FBXO31: variants seen among roughly 807,000 people sequenced by gnomAD.
The protein encoded by FBXO31 is F-box only protein 31.
Under a neutral mutation model 54.4 loss-of-function variants are expected in FBXO31, and 24 were observed. That is an observed-to-expected ratio of 0.44 (90% CI 0.32 to 0.62). The LOEUF (loss-of-function observed/expected upper bound fraction) is 0.62. Among genes scored for constraint, FBXO31 ranks in the 20% least tolerant of loss-of-function variants. The probability of loss-of-function intolerance (pLI) is 0.05; values close to 1 mark genes in which losing one functional copy is unlikely to be tolerated. For missense variants in FBXO31, 665 were observed against 787.1 expected (o/e 0.84, Z 1.86); for synonymous variants, 388 against 335.6 (o/e 1.16, Z -1.71).
chr16:87,357,327 CTTTTT>C (rs34678078), intron 2 of FBXO31, among the ~76,000 whole-genome samples: 1 of 123,404 alleles, frequency 8.1e-6, no homozygotes, highest in South Asian at 2.7e-4. Context: ...GAATTCGGTT[CTTTTT>C]TTTTTTTTTT....
rs530566704 is a variant in FBXO31 at position 87,346,519 on chromosome 16, T to C, written c.489+655A>G. Among the ~76,000 whole-genome samples the C allele has an allele frequency of 2.5e-4, 38 of 152,318 alleles. No individual in the cohort carries two copies. In the South Asian group the frequency reaches 7.5e-3, roughly 30 times the overall value. ...ACCCAGGACTAGACAGGCACTGCCA[T>C]GGCAGACCCAACGAACAGGAAAGAA... is the stretch of plus-strand genomic sequence containing the variant. On this transcript the variant is annotated intron_variant, in intron 3 of 8. Transcript: ENST00000311635. This position sits in a 1 kb window ranked among gnomAD's most constrained non-coding sequence, Gnocchi z 4.2.
At chr16:87,381,777 C>A (rs1907089212) in intron 1 of FBXO31, among the ~76,000 whole-genome samples, 1 of 152,208 alleles carries the variant, frequency 6.6e-6, no homozygotes, top group African/African-American at 2.4e-5. Flanking sequence ...GTAATCCCAA[C>A]ACTTTGGGAG....
At chr16:87,348,239 C>T (rs924495005) in intron 2 of FBXO31, among the ~76,000 whole-genome samples, 1 of 152,196 alleles carries the variant, frequency 6.6e-6, no homozygotes, top group Non-Finnish European at 1.5e-5. Context: ...TACCTGCCCG[C>T]TCTCCATCAG....
chr16:87,378,878 C>T (rs1906946613), intron 1 of FBXO31, among the ~76,000 whole-genome samples: 1 of 150,716 alleles, frequency 6.6e-6, no homozygotes, highest in South Asian at 2.1e-4. Flanking sequence ...AGGAGAATGG[C>T]GTGAACCCAG....
rs1281893386 is a variant in FBXO31 at position 87,358,845 on chromosome 16, G to A, written c.412+1450C>T. Reference sequence around the variant, plus strand: ...GGTGGGAGGGCAGGTGTCCTGGCAGGTGAGCATCTGGGATGACCGTCTAGA... The same window carrying A: ...GGTGGGAGGGCAGGTGTCCTGGCAGATGAGCATCTGGGATGACCGTCTAGA... On this transcript the variant is annotated intron_variant, in intron 2 of 8. Coordinates refer to ENST00000311635, the MANE Select transcript of FBXO31 (RefSeq NM_024735.5). This position sits in a 1 kb window ranked among gnomAD's most constrained non-coding sequence, Gnocchi z 4.0. 6.6e-6 allele frequency among the ~76,000 whole-genome samples: 1 copy of A among 152,144 alleles called. No homozygotes were observed. The highest frequency in any genetic ancestry group is 2.4e-5 in the African/African-American group (1 of 41,428).
chr16:87,359,872 AG>A (rs1252931792), intron 2 of FBXO31, among the ~76,000 whole-genome samples: 1 of 152,190 alleles, frequency 6.6e-6, no homozygotes, highest in African/African-American at 2.4e-5. Context: ...GCTAAAGGGA[AG>A]GAGAACTCTA....
rs577815065 is a variant in FBXO31 at position 87,338,865 on chromosome 16, T to A, written c.733-2601A>T. ...TGAACTGTAGCTCTTCCAATTCCCA[T>A]GTCATGGGAGGGACCCCAGGAGGTA... On this transcript the variant is annotated intron_variant, in intron 5 of 8. Transcript: ENST00000311635. This position sits in a 1 kb window ranked among gnomAD's most constrained non-coding sequence, Gnocchi z 4.3. Among the ~76,000 whole-genome samples, 1 of 152,104 alleles carries A rather than the reference T, an allele frequency of 6.6e-6. No individual in the cohort carries two copies. Among genetic ancestry groups the A allele is most frequent in the African/African-American group, 2.4e-5 (1 of 41,408 alleles).
chr16:87,331,921 C>T (rs1465136103), intron 8 of FBXO31, among the ~76,000 whole-genome samples: 1 of 152,258 alleles, frequency 6.6e-6, no homozygotes, highest in Non-Finnish European at 1.5e-5. Context: ...GAAAAAAAAT[C>T]TTAATGTCTG....
rs1025726002 is a variant in FBXO31 at position 87,335,215 on chromosome 16, G to T, written c.996+89C>A. On this transcript the variant is annotated intron_variant, in intron 7 of 8. Transcript: ENST00000311635. This position sits in a 1 kb window ranked among gnomAD's most constrained non-coding sequence, Gnocchi z 5.7. Reference sequence around the variant, plus strand: ...CACTCTGAGGAGCAAGGGTGCCGGGGATCAGTGTCTGCCCAAGTTCCCTGA... The same window carrying T: ...CACTCTGAGGAGCAAGGGTGCCGGGTATCAGTGTCTGCCCAAGTTCCCTGA... The T allele has an allele frequency of 5.1e-6, 8 of 1,569,056 alleles. No homozygotes were observed. The highest frequency in any genetic ancestry group is 6.1e-6 in the Non-Finnish European group (7 of 1,153,034).
At chr16:87,379,159 T>C (rs983186074) in intron 1 of FBXO31, among the ~76,000 whole-genome samples, 2 of 152,098 alleles carry the variant, frequency 1.3e-5, no homozygotes, top group African/African-American at 4.8e-5. Flanking sequence ...AGTCTCACTC[T>C]TGTAGCCCAG....
intron 8 of FBXO31, among the ~76,000 whole-genome samples, chr16:87,332,542 C>G (rs1353915634): frequency 6.6e-6 from 1 of 152,220 alleles, no homozygotes; most frequent in Non-Finnish European, 1.5e-5. Flanking sequence ...AAACAACACT[C>G]CAACACTATT....
chr16:87,355,372 G>A (rs992564888), intron 2 of FBXO31, among the ~76,000 whole-genome samples: 1 of 152,196 alleles, frequency 6.6e-6, no homozygotes, highest in Non-Finnish European at 1.5e-5. Context: ...AACAAATTTT[G>A]AGACGCTCTC....
At chr16:87,379,003 A>G (rs941595457) in intron 1 of FBXO31, among the ~76,000 whole-genome samples, 6 of 152,120 alleles carry the variant, frequency 3.9e-5, no homozygotes, top group Admixed American at 3.3e-4. Flanking sequence ...AGACATAGAT[A>G]TAGATATATA....
intron 1 of FBXO31, chr16:87,389,730 C>G (rs145658809): frequency 6.6e-6 from 1 of 152,144 alleles, no homozygotes; most frequent in Admixed American, 6.5e-5. Flanking sequence ...ACATAATATG[C>G]GCTTACCGGA....
chr16:87,387,274 GT>G (rs1346458501), upstream of FBXO31, among the ~76,000 whole-genome samples: 1 of 152,108 alleles, frequency 6.6e-6, no homozygotes, highest in Non-Finnish European at 1.5e-5. Flanking sequence ...CTTGGAACAC[GT>G]TTACAATCCT....
upstream of FBXO31, chr16:87,392,069 C>G: frequency 4.5e-6 from 1 of 219,820 alleles, no homozygotes. Context: ...TGCGGCCCAG[C>G]CCACAACCGT....
intron 1 of FBXO31, among the ~76,000 whole-genome samples, chr16:87,363,877 G>A (rs932945625): frequency 1.3e-5 from 2 of 152,164 alleles, no homozygotes; most frequent in South Asian, 4.1e-4. Flanking sequence ...GAACTGGACC[G>A]GATCATCTGT....
chr16:87,360,180 GGT>G lies in FBXO31; in HGVS notation c.412+113_412+114del. 3.3e-6 allele frequency: 3 copies of G among 913,546 alleles called. No homozygotes were observed. The South Asian group carries it at 4.3e-5, about 13-fold the overall frequency. The allele number at this position is 913,546 out of a possible 1,614,324, so 56.6% of individuals were successfully genotyped here. On this transcript the variant is annotated intron_variant, in intron 2 of 8. Transcript: ENST00000311635. ...TCTATTCAAAATGTGACTGTAAGAT[GGT>G]GTCTGAGAAAACAAAAGTGTGGACT... is the stretch of plus-strand genomic sequence containing the variant.
At chr16:87,376,823 A>G (rs933391111) in intron 1 of FBXO31, among the ~76,000 whole-genome samples, 3 of 152,232 alleles carry the variant, frequency 2.0e-5, no homozygotes, top group Non-Finnish European at 4.4e-5. Context: ...TCTCACTTGA[A>G]CTGGCCTGCC....
Sources: allele counts gnomAD v4.1 joint callset (sites outside exome capture counted in the v4.1 genomes callset), GRCh38; gene constraint gnomAD v4.1.1; non-coding constraint Gnocchi (gnomAD v3.1); transcripts MANE v1.5; gene names NCBI Gene and HGNC (gene_info 2026-07-23, HGNC 2026-07-21).